BCL11A: variants seen among roughly 807,000 people sequenced by gnomAD.
BCL11A encodes the protein B cell CLL/lymphoma 11A.
In BCL11A, 2 loss-of-function variants were observed where a neutral mutation model predicts 55.9. That is an observed-to-expected ratio of 0.04 (90% CI 0.01 to 0.11). The LOEUF is 0.11. Ranked by LOEUF, BCL11A falls within the 10% of genes least tolerant of loss-of-function variation. BCL11A has a pLI of 1.00. For missense variants in BCL11A, 817 were observed against 1,137.1 expected (o/e 0.72, Z 4.05); for synonymous variants, 465 against 473.4 (o/e 0.98, Z 0.23).
chr2:60,458,286 T>TA lies in BCL11A; in HGVS notation c.*2117dup. On this transcript the variant is annotated 3_prime_UTR_variant, in exon 4 of 4. Coordinates refer to ENST00000642384, the MANE Select transcript of BCL11A (RefSeq NM_022893.4). ...TTCCCCAATGTATGTTTTTTTTTTT[T>TA]ACAACCTGAAGAGCGGTGTGTATCC... is the stretch of plus-strand genomic sequence containing the variant. The TA allele has an allele frequency of 9.8e-7, 1 of 1,025,628 alleles. No individual in the cohort carries two copies. Among genetic ancestry groups the TA allele is most frequent in the Non-Finnish European group, 1.2e-6 (1 of 853,336 alleles). 63.5% of individuals were successfully genotyped at this position (1,025,628 alleles called of 1,614,324 possible).
chr2:60,518,554 C>T (rs1668836128), intron 2 of BCL11A, among the ~76,000 whole-genome samples: 1 of 152,174 alleles, frequency 6.6e-6, no homozygotes, highest in South Asian at 2.1e-4. Context: ...TGAATTTTAG[C>T]TTCCCACACG....
Position 60,460,746 on chromosome 2 carries a change from C to T in BCL11A, c.2166G>A (p.Thr722=), listed in dbSNP as rs765992760. The T allele has an allele frequency of 2.5e-6, 4 of 1,614,028 alleles. No individual in the cohort carries two copies. The highest frequency in any genetic ancestry group is 1.7e-6 in the Non-Finnish European group (2 of 1,180,046). ...CCGGGCCCGGACCACTAATATGGGG[C>T]GTGCTCCCTCCACTTCCCGTGCCGC... The part of the protein sequence containing the change: ...GRSGTGSGGS[T]PHISGPGPGR... Residue 722 remains threonine, a synonymous_variant, in exon 4 of 4, where the codon ACG becomes ACA. Coordinates refer to ENST00000642384, the MANE Select transcript of BCL11A (RefSeq NM_022893.4).
chr2:60,544,043 GC>G (rs1670044701), intron 2 of BCL11A: 2 of 152,096 alleles, frequency 1.3e-5, no homozygotes, highest in Admixed American at 1.3e-4. Flanking sequence ...TATATGTAAG[GC>G]CTTCCCCCCA....
Position 60,460,203 on chromosome 2 carries a change from G to T in BCL11A, c.*201C>A. On this transcript the variant is annotated 3_prime_UTR_variant, in exon 4 of 4. Transcript: ENST00000642384. ...AAAAAGGAAAAAGAAAAAAGAAAAA[G>T]AAAAAGAAAAAAAACAGGTGTGCTG... is the stretch of plus-strand genomic sequence containing the variant. 2 of 1,288,566 alleles carry T rather than the reference G, an allele frequency of 1.6e-6. No individual in the cohort carries two copies. Among genetic ancestry groups the T allele is most frequent in the Non-Finnish European group, 9.8e-7 (1 of 1,020,876 alleles). 79.8% of individuals were successfully genotyped at this position (1,288,566 alleles called of 1,614,324 possible). A position where few individuals can be genotyped will look rare whatever the true frequency, so the allele number is the denominator to read the frequency against.
intron 2 of BCL11A, among the ~76,000 whole-genome samples, chr2:60,484,715 G>A (rs1240682656): frequency 6.6e-6 from 1 of 152,032 alleles, no homozygotes; most frequent in Non-Finnish European, 1.5e-5. Flanking sequence ...AGAAAGAGAG[G>A]AAAGGTTAAC....
chr2:60,476,791 G>T (rs1432931814), intron 2 of BCL11A, among the ~76,000 whole-genome samples: 1 of 152,150 alleles, frequency 6.6e-6, no homozygotes, highest in Non-Finnish European at 1.5e-5. Context: ...TTCAGTGGGG[G>T]AGCTCACTAT....
chr2:60,531,301 T>C (rs2104635242), intron 2 of BCL11A, among the ~76,000 whole-genome samples: 1 of 152,294 alleles, frequency 6.6e-6, no homozygotes, highest in African/African-American at 2.4e-5. Context: ...ACACTAACAC[T>C]AAACCAGAAA....
intron 2 of BCL11A, chr2:60,533,713 C>T (rs1374846496): frequency 1.3e-5 from 2 of 152,148 alleles, no homozygotes; most frequent in East Asian, 1.9e-4. Flanking sequence ...AGGGCAGAAT[C>T]GCTCGACACA....
intron 2 of BCL11A, among the ~76,000 whole-genome samples, chr2:60,511,911 C>G (rs1279873697): frequency 6.6e-6 from 1 of 152,182 alleles, no homozygotes; most frequent in Admixed American, 6.5e-5. Flanking sequence ...CTGCTACGCC[C>G]AGTGGCCCAG....
At chr2:60,522,372 A>T (rs1669032286) in intron 2 of BCL11A, 1 of 152,216 alleles carries the variant, frequency 6.6e-6, no homozygotes, top group Admixed American at 6.5e-5. Flanking sequence ...CCATTATCAC[A>T]CCTAAAAATA....
intron 2 of BCL11A, chr2:60,542,169 A>G: frequency 3.0e-6 from 1 of 331,140 alleles, no homozygotes; most frequent in East Asian, 5.0e-5. Context: ...TAAAGAGAAA[A>G]AATGTTATAT....
At chr2:60,479,425 C>T (rs537246185) in intron 2 of BCL11A, among the ~76,000 whole-genome samples, 10 of 152,316 alleles carry the variant, frequency 6.6e-5, no homozygotes, top group South Asian at 2.1e-4. Context: ...TGAGGCTGAC[C>T]AGAGGCCACC....
At chr2:60,487,130 C>T (rs1381238954) in intron 2 of BCL11A, among the ~76,000 whole-genome samples, 1 of 152,208 alleles carries the variant, frequency 6.6e-6, no homozygotes, top group East Asian at 1.9e-4. Context: ...GTGCAACACC[C>T]CTAAGTGTGT....
At chr2:60,469,823 A>G (rs1677099466) in intron 2 of BCL11A, among the ~76,000 whole-genome samples, 2 of 152,160 alleles carry the variant, frequency 1.3e-5, no homozygotes. Context: ...CCATCTTGAG[A>G]CAGACTGGAG....
Position 60,490,350 on chromosome 2 carries a change from T to C in BCL11A, c.386-21517A>G, listed in dbSNP as rs138064680. Among the ~76,000 whole-genome samples the C allele has an allele frequency of 9.5e-4, 144 of 152,344 alleles. 2 individuals carry two copies. In the East Asian group the frequency reaches 0.027, roughly 29 times the overall value. On this transcript the variant is annotated intron_variant, in intron 2 of 3. Coordinates refer to ENST00000642384, the MANE Select transcript of BCL11A (RefSeq NM_022893.4). ...GCAGCCCTCTGTGATCTATAGGATA[T>C]GGTCCAACTCCTTAAGCCATCATTC...
chr2:60,545,922 A>C, intron 2 of BCL11A, 49 bp downstream of exon 2: 1 of 1,551,088 alleles, frequency 6.4e-7, no homozygotes, highest in Non-Finnish European at 8.8e-7. Flanking sequence ...GCACCTCTGA[A>C]AATGAAAAGA....
In BCL11A at chr2:60,458,502, C is replaced by G; in HGVS notation, c.*1902G>C. ...CTTGCACTGTAGAAGCGAAAGCAATCATTCATTTCTATGTTAAGTGTATTC... is the reference window on the plus strand; with the variant it reads ...CTTGCACTGTAGAAGCGAAAGCAATGATTCATTTCTATGTTAAGTGTATTC... On this transcript the variant is annotated 3_prime_UTR_variant, in exon 4 of 4. Transcript: ENST00000642384. 1.9e-6 allele frequency: 2 copies of G among 1,033,082 alleles called. No individual in the cohort carries two copies. Among genetic ancestry groups the G allele is most frequent in the Non-Finnish European group, 2.3e-6 (2 of 858,230 alleles). The allele number at this position is 1,033,082 out of a possible 1,614,324, so 64.0% of individuals were successfully genotyped here.
Position 60,462,099 on chromosome 2 carries a change from T to A in BCL11A, c.813A>T (p.Arg271Ser). ...CTATGCGGTGGGGGTCCAAGTGATGTCTCGGTGGTGGACTAAACAGGGGGG... is the reference window on the plus strand; with the variant it reads ...CTATGCGGTGGGGGTCCAAGTGATGACTCGGTGGTGGACTAAACAGGGGGG... ...PTPPLFSPPP[R>S]HHLDPHRIER... is the part of the protein sequence containing the mutation. The change falls in exon 4 of 4, where the codon AGA becomes AGT. Residue 271 changes from arginine to serine, a missense_variant. Coordinates refer to ENST00000642384, the MANE Select transcript of BCL11A (RefSeq NM_022893.4). 6.4e-7 allele frequency: 1 copy of A among 1,557,476 alleles called. No homozygotes were observed. Among genetic ancestry groups the A allele is most frequent in the Non-Finnish European group, 8.7e-7 (1 of 1,153,600 alleles).
intron 2 of BCL11A, among the ~76,000 whole-genome samples, chr2:60,488,192 G>C (rs1301476376): frequency 6.6e-6 from 1 of 152,182 alleles, no homozygotes; most frequent in Non-Finnish European, 1.5e-5. Flanking sequence ...GGAACATGAG[G>C]AGTGAATCTG....
Sources: gnomAD v4.1 joint callset for allele counts (sites outside exome capture counted in the v4.1 genomes callset) on GRCh38, gnomAD v4.1.1 for gene constraint, MANE v1.5 for transcripts, NCBI Gene and HGNC (gene_info 2026-07-23, HGNC 2026-07-21) for gene names.